The following PARD3B variants were observed in gnomAD, a reference collection of about 807,000 sequenced individuals.
The protein encoded by PARD3B is par-3 family cell polarity regulator beta.
Under a neutral mutation model 130.2 loss-of-function variants are expected in PARD3B, and 103 were observed. The observed-to-expected ratio is 0.79, with a 90% confidence interval of 0.67 to 0.93. The LOEUF (loss-of-function observed/expected upper bound fraction) is 0.93. Ranked by LOEUF, PARD3B falls within the 40% of genes least tolerant of loss-of-function variation. PARD3B has a pLI of 0.00. For synonymous variants in PARD3B, 583 were observed against 553.2 expected (o/e 1.05, Z -0.76); for missense variants, 1,609 against 1,499.2 (o/e 1.07, Z -1.21).
chr2:205,232,721 CA>C (rs2038903674), intron 15 of PARD3B, among the ~76,000 whole-genome samples: 1 of 152,012 alleles, frequency 6.6e-6, no homozygotes, highest in African/African-American at 2.4e-5. Context: ...AGACCCAAAT[CA>C]AATTTCTAGA....
chr2:205,533,268 A>C (rs1004972777), intron 21 of PARD3B, among the ~76,000 whole-genome samples: 5 of 152,216 alleles, frequency 3.3e-5, no homozygotes, highest in Non-Finnish European at 7.3e-5. Context: ...TAAATAAAAC[A>C]ATTTAGCAGT....
intron 20 of PARD3B, among the ~76,000 whole-genome samples, chr2:205,499,230 A>G (rs1389303569): frequency 1.3e-5 from 2 of 152,128 alleles, no homozygotes; most frequent in Non-Finnish European, 1.5e-5. Context: ...TGGAAAAGCT[A>G]TAATTCATAA....
chr2:205,124,217 T>C, intron 8 of PARD3B, 110 bp from the exon 9 acceptor site: 3 of 905,492 alleles, frequency 3.3e-6, no homozygotes, highest in Non-Finnish European at 4.6e-6. Context: ...AGAATGTAAA[T>C]ATTTTACTGA....
intron 5 of PARD3B, among the ~76,000 whole-genome samples, chr2:205,111,218 G>C (rs1703622981): frequency 6.6e-6 from 1 of 151,944 alleles, no homozygotes; most frequent in Admixed American, 6.6e-5. Context: ...AAACAAAATT[G>C]AAAGTCTGCT....
chr2:204,989,461 TC>T (rs1395501670), intron 3 of PARD3B, among the ~76,000 whole-genome samples: 3 of 152,110 alleles, frequency 2.0e-5, no homozygotes, highest in Non-Finnish European at 2.9e-5. Flanking sequence ...TTGAGAGTTT[TC>T]TAAAACTGTG....
chr2:205,517,930 C>T (rs768675226), intron 21 of PARD3B, among the ~76,000 whole-genome samples: 18 of 152,162 alleles, frequency 1.2e-4, no homozygotes, highest in African/African-American at 2.6e-4. Flanking sequence ...ATTTTTATTG[C>T]GCTGTGGTCT....
At chr2:205,339,879 T>C (rs1290188444) in intron 18 of PARD3B, among the ~76,000 whole-genome samples, 1 of 152,108 alleles carries the variant, frequency 6.6e-6, no homozygotes, top group Non-Finnish European at 1.5e-5. Context: ...TGTTCAAAGA[T>C]TCCAAGGCCT....
At chr2:204,601,364 A>G (rs2033504658) in intron 1 of PARD3B, among the ~76,000 whole-genome samples, 1 of 152,000 alleles carries the variant, frequency 6.6e-6, no homozygotes. Flanking sequence ...TCAAATTTAG[A>G]ACATCATCTT....
intron 1 of PARD3B, among the ~76,000 whole-genome samples, chr2:204,574,232 T>C (rs2125071834): frequency 6.6e-6 from 1 of 152,292 alleles, no homozygotes; most frequent in Admixed American, 6.5e-5. Flanking sequence ...AACAAAACAA[T>C]CTATTAATTT....
chr2:204,546,271 G>A lies in PARD3B; in HGVS notation c.120+152G>A. 8 of 1,152,060 alleles carry A rather than the reference G, an allele frequency of 6.9e-6. 1 individual carries two copies. The South Asian group carries it at 1.2e-4, about 17-fold the overall frequency. 71.4% of individuals were successfully genotyped at this position (1,152,060 alleles called of 1,614,324 possible). A position where few individuals can be genotyped will look rare whatever the true frequency, so the allele number is the denominator to read the frequency against. On this transcript the variant is annotated intron_variant, in intron 1 of 22. Transcript: ENST00000406610. ...GTTGTCTATTGCTAATATCAGTGAT[G>A]TGGGTGTCTTTGGGTGTTTGTGGGC...
intron 18 of PARD3B, among the ~76,000 whole-genome samples, chr2:205,382,145 T>C (rs534164388): frequency 1.3e-5 from 2 of 152,186 alleles, no homozygotes; most frequent in South Asian, 2.1e-4. Context: ...ATGTCCTTTT[T>C]CTGTTTCAGT....
chr2:205,392,824 C>T (rs2045903392), intron 18 of PARD3B, among the ~76,000 whole-genome samples: 1 of 152,172 alleles, frequency 6.6e-6, no homozygotes, highest in African/African-American at 2.4e-5. Flanking sequence ...ATAGCCAAGG[C>T]AGTGTGGGGG....
intron 19 of PARD3B, among the ~76,000 whole-genome samples, chr2:205,415,572 T>A (rs1379377311): frequency 1.3e-5 from 2 of 152,140 alleles, no homozygotes; most frequent in Non-Finnish European, 2.9e-5. Context: ...GACCAATTCA[T>A]CCCATTGAAT....
At chr2:204,958,718 G>A (rs375156670) in intron 2 of PARD3B, among the ~76,000 whole-genome samples, 1 of 152,132 alleles carries the variant, frequency 6.6e-6, no homozygotes, top group Non-Finnish European at 1.5e-5. Context: ...ATTTGGGCAT[G>A]TTAGGGATAT....
intron 2 of PARD3B, among the ~76,000 whole-genome samples, chr2:204,696,754 C>A (rs893627320): frequency 6.6e-6 from 1 of 151,978 alleles, no homozygotes; most frequent in Admixed American, 6.6e-5. Context: ...TACAGAATTG[C>A]GGCAGGATTA....
chr2:204,775,822 G>T (rs759431507), intron 2 of PARD3B, among the ~76,000 whole-genome samples: 1 of 152,040 alleles, frequency 6.6e-6, no homozygotes, highest in Non-Finnish European at 1.5e-5. Context: ...CTGAGGAGAG[G>T]AATCAAATAA....
intron 16 of PARD3B, among the ~76,000 whole-genome samples, chr2:205,254,283 G>A (rs990179240): frequency 6.6e-5 from 10 of 151,800 alleles, no homozygotes; most frequent in African/African-American, 2.4e-4. Flanking sequence ...AATCGTAGCC[G>A]ACACCTCATA....
intron 3 of PARD3B, among the ~76,000 whole-genome samples, chr2:205,040,314 C>A (rs976879192): frequency 6.6e-6 from 1 of 152,184 alleles, no homozygotes; most frequent in African/African-American, 2.4e-5. Flanking sequence ...TTTTACAGGT[C>A]TACACTGGCA....
chr2:204,562,682 G>A (rs930803371), intron 1 of PARD3B, among the ~76,000 whole-genome samples: 2 of 152,234 alleles, frequency 1.3e-5, no homozygotes, highest in Admixed American at 6.5e-5. Context: ...ATGAGGAAGT[G>A]TAAGATGGAT....
Sources: allele counts gnomAD v4.1 joint callset (sites outside exome capture counted in the v4.1 genomes callset), GRCh38; gene constraint gnomAD v4.1.1; transcripts MANE v1.5; gene names NCBI Gene and HGNC (gene_info 2026-07-23, HGNC 2026-07-21).